The following HHLA1 variants were observed in gnomAD, a reference collection of about 807,000 sequenced individuals.
The protein encoded by HHLA1 is HHLA1 neighbor of OC90.
HHLA1 carries 72 observed loss-of-function variants against 69.9 expected under a neutral mutation model. That is an observed-to-expected ratio of 1.03 (90% CI 0.85 to 1.25). The LOEUF is 1.25. Ranked by LOEUF, HHLA1 falls within the 50% of genes most tolerant of loss-of-function variation. HHLA1 has a pLI of 0.00. For synonymous variants in HHLA1, 252 were observed against 233.2 expected, an observed-to-expected ratio of 1.08 and a Z score of -0.73; for missense variants, 685 against 642.2, an observed-to-expected ratio of 1.07 and a Z score of -0.72.
chr8:132,084,046 T>C (rs1440509001), intron 10 of HHLA1, among the ~76,000 whole-genome samples: 1 of 152,002 alleles, frequency 6.6e-6, no homozygotes, highest in Non-Finnish European at 1.5e-5. Context: ...TGGATTTTTA[T>C]ATTTGATGAA....
intron 4 of HHLA1, 138 bp downstream of exon 4, chr8:132,099,937 T>C: frequency 1.5e-6 from 1 of 654,902 alleles, no homozygotes; most frequent in Non-Finnish European, 2.7e-6. Flanking sequence ...ATTGTCTTCT[T>C]CAACTTTTAC....
At chr8:132,069,243 A>G (rs2130875409) in intron 15 of HHLA1, among the ~76,000 whole-genome samples, 1 of 152,272 alleles carries the variant, frequency 6.6e-6, no homozygotes, top group Admixed American at 6.5e-5. Flanking sequence ...TCCTCCATAA[A>G]GCCCTATTAG....
intron 15 of HHLA1, chr8:132,069,959 T>C: frequency 6.6e-6 from 1 of 151,154 alleles, no homozygotes; most frequent in South Asian, 1.7e-4. Context: ...GTGCTTTGGG[T>C]CTACAGGTCT....
At chr8:132,101,164 A>G in intron 3 of HHLA1, 2 of 1,528,646 alleles carry the variant, frequency 1.3e-6, no homozygotes, top group East Asian at 2.5e-5. Context: ...ATAGAAAACA[A>G]CAAGCCACAG....
In HHLA1 at chr8:132,074,329, C is replaced by CT. The variant is rs201966926; in HGVS notation, c.1315+1725dup. 3.4e-3 allele frequency among the ~76,000 whole-genome samples: 496 copies of CT among 146,062 alleles called. 3 individuals are homozygous for CT. The highest frequency in any genetic ancestry group is 6.2e-3 in the East Asian group (31 of 5,010). On this transcript the variant is annotated intron_variant, in intron 14 of 16. Transcript: ENST00000414222. Reference sequence around the variant, plus strand: ...AGTCACTCTTTTTTTTCAATTGCAGCTTTTTTTTTTTTCACATATGGCATA... The same window carrying CT: ...AGTCACTCTTTTTTTTCAATTGCAGCTTTTTTTTTTTTTCACATATGGCATA...
chr8:132,078,238 C>A (rs552545219), intron 11 of HHLA1, among the ~76,000 whole-genome samples: 2 of 151,266 alleles, frequency 1.3e-5, no homozygotes, highest in Non-Finnish European at 2.9e-5. Context: ...GGACCCCAGG[C>A]GTGTGTGTTT....
intron 1 of HHLA1, among the ~76,000 whole-genome samples, chr8:132,109,163 T>C (rs2469642): frequency 6.6e-6 from 1 of 151,958 alleles, no homozygotes; most frequent in East Asian, 1.9e-4. Flanking sequence ...CCCACCACCA[T>C]GCCAGGCCAA....
chr8:132,079,858 G>C lies in HHLA1; in HGVS notation c.785C>G (p.Ser262Cys). 2 of 1,551,990 alleles carry C rather than the reference G, an allele frequency of 1.3e-6. No homozygotes were observed. The highest frequency in any genetic ancestry group is 1.7e-6 in the Non-Finnish European group (2 of 1,147,060). Reference sequence around the variant, plus strand: ...TGTCCAGGGAGAGGATCTCAGAGCAGATGCCCAGGGTGTGCTCTGGGTCCA... The same window carrying C: ...TGTCCAGGGAGAGGATCTCAGAGCACATGCCCAGGGTGTGCTCTGGGTCCA... ...GHWTQSTPWA[S>C]ALRSSPWTET... is the part of the protein sequence containing the mutation. The change falls in exon 11 of 17, where the codon TCT becomes TGT. Residue 262 changes from serine to cysteine, a missense_variant. By Grantham distance (112) the Ser-to-Cys change is moderately radical (BLOSUM62 -1). Coordinates refer to ENST00000414222, the MANE Select transcript of HHLA1 (RefSeq NM_001145095.3).
At chr8:132,086,322 T>C (rs1823861844) in intron 10 of HHLA1, among the ~76,000 whole-genome samples, 1 of 152,046 alleles carries the variant, frequency 6.6e-6, no homozygotes, top group Non-Finnish European at 1.5e-5. Flanking sequence ...GGCCCTCACC[T>C]CCCCCAGAAT....
At chr8:132,106,154 AGAG>A (rs1251190668) in intron 1 of HHLA1, among the ~76,000 whole-genome samples, 3 of 152,216 alleles carry the variant, frequency 2.0e-5, no homozygotes, top group Admixed American at 2.0e-4. Flanking sequence ...CGATTTGAAA[AGAG>A]GAGAAATTTA....
chr8:132,079,627 T>A, intron 11 of HHLA1, 91 bp downstream of exon 11: 1 of 1,349,986 alleles, frequency 7.4e-7, no homozygotes, highest in African/African-American at 1.5e-5. Flanking sequence ...GGAGAAGGGA[T>A]TAAGGTAAGG....
chr8:132,080,024 A>C, intron 10 of HHLA1, 58 bp from the exon 11 acceptor site: 1 of 1,547,136 alleles, frequency 6.5e-7, no homozygotes, highest in Non-Finnish European at 8.7e-7. Context: ...GCATAAAAAA[A>C]CTGAAAGGTC....
Position 132,077,818 on chromosome 8 carries a change from G to T in HHLA1, c.1079C>A (p.Thr360Asn). ...TRSSPPTTAG[T>N]EEAMNTTSLL... ...GCTTGTAGTGTTCATGGCTTCCTCG[G>T]TCCCTGCAGTAGTCGGTGGGGAAGA... Residue 360 changes from threonine to asparagine, a missense_variant, in exon 12 of 17, where the codon ACC becomes AAC. Physicochemically the swap from Thr to Asn is moderately conservative, Grantham distance 65. Coordinates refer to ENST00000414222, the MANE Select transcript of HHLA1 (RefSeq NM_001145095.3). 6.4e-7 allele frequency: 1 copy of T among 1,551,622 alleles called. No individual in the cohort carries two copies. Among genetic ancestry groups the T allele is most frequent in the South Asian group, 1.2e-5 (1 of 84,040 alleles).
chr8:132,076,604 A>T (rs1462180238), intron 12 of HHLA1, 61 bp from the exon 13 acceptor site: 9 of 1,168,432 alleles, frequency 7.7e-6, no homozygotes, highest in African/African-American at 1.6e-5. Flanking sequence ...GAGGGAGAAG[A>T]TGACCAGGGC....
At chr8:132,106,696 G>A (rs937057654) in intron 1 of HHLA1, among the ~76,000 whole-genome samples, 5 of 152,240 alleles carry the variant, frequency 3.3e-5, no homozygotes, top group African/African-American at 1.2e-4. Context: ...GAGCTGTTTA[G>A]TAACTTAGAA....
rs537477741 is a variant in HHLA1 at position 132,089,602 on chromosome 8, G to C, written c.449-3C>G. 1 of 1,418,446 alleles carries C rather than the reference G, an allele frequency of 7.0e-7. No individual in the cohort carries two copies. Among genetic ancestry groups the C allele is most frequent in the African/African-American group, 1.4e-5 (1 of 70,648 alleles). 87.9% of individuals were successfully genotyped at this position (1,418,446 alleles called of 1,614,324 possible). A position where few individuals can be genotyped will look rare whatever the true frequency, so the allele number is the denominator to read the frequency against. ...ATCTACCAGTAGAGCTGTAAAATCT[G>C]CAAGACAAATTTAGGAGGTTTAAAT... On this transcript the variant is annotated splice_region_variant and splice_polypyrimidine_tract_variant and intron_variant, in intron 7 of 16. Transcript: ENST00000414222.
In HHLA1 at chr8:132,079,785, C is replaced by T; in HGVS notation, c.858G>A (p.Arg286=). The T allele has an allele frequency of 6.4e-7, 1 of 1,551,654 alleles. No homozygotes were observed. The highest frequency in any genetic ancestry group is 8.7e-7 in the Non-Finnish European group (1 of 1,146,966). The stretch of plus-strand genomic sequence containing the variant: ...TGGCCCTGGCTGGAAGCTCAGGAGG[C>T]CTGCCTGTGTTCAGGGTCTCCTCTG... ...SETEETLNTG[R]PPELPARATA... is the part of the protein sequence containing the mutation. The change falls in exon 11 of 17, where the codon AGG becomes AGA. Residue 286 remains arginine, a synonymous_variant. Coordinates refer to ENST00000414222, the MANE Select transcript of HHLA1 (RefSeq NM_001145095.3).
At chr8:132,085,626 C>T in intron 10 of HHLA1, 1 of 164,894 alleles carries the variant, frequency 6.1e-6, no homozygotes, top group Non-Finnish European at 1.3e-5. Context: ...CACCTGGGTG[C>T]AGGCGGGCTG....
intron 10 of HHLA1, among the ~76,000 whole-genome samples, chr8:132,085,946 G>A (rs555174943): frequency 6.8e-5 from 10 of 147,222 alleles, no homozygotes; most frequent in Non-Finnish European, 1.3e-4. Context: ...CCATCTGGGC[G>A]TATAGGTGCA....
Sources: allele counts gnomAD v4.1 joint callset (sites outside exome capture counted in the v4.1 genomes callset), GRCh38; gene constraint gnomAD v4.1.1; transcripts MANE v1.5; gene names NCBI Gene and HGNC (gene_info 2026-07-23, HGNC 2026-07-21).